SPIRE1: variants seen among roughly 807,000 people sequenced by gnomAD.
The protein encoded by SPIRE1 is spire type actin nucleation factor 1.
A neutral mutation model predicts 94.1 loss-of-function variants in SPIRE1; 40 were observed. That is an observed-to-expected ratio of 0.43 (90% confidence interval 0.33 to 0.55). The LOEUF is 0.55. Ranked by LOEUF, SPIRE1 falls within the 20% of genes least tolerant of loss-of-function variation. The probability of loss-of-function intolerance (pLI) is 0.06; values close to 1 mark genes in which losing one functional copy is unlikely to be tolerated. For missense variants in SPIRE1, 838 were observed against 975.2 expected, an observed-to-expected ratio of 0.86 and a Z score of 1.87; for synonymous variants, 376 against 371.7, an observed-to-expected ratio of 1.01 and a Z score of -0.13.
chr18:12,599,117 C>T (rs2036760943), intron 2 of SPIRE1, among the ~76,000 whole-genome samples: 2 of 152,066 alleles, frequency 1.3e-5, no homozygotes, highest in Admixed American at 1.3e-4. Flanking sequence ...TCTTAGATGA[C>T]CACAATATAA....
chr18:12,452,640 A>C, intron 14 of SPIRE1, 128 bp from the exon 15 acceptor site: 1 of 934,160 alleles, frequency 1.1e-6, no homozygotes, highest in Non-Finnish European at 1.7e-6. Context: ...CTTCTATTAG[A>C]ATGTAACAAA....
chr18:12,499,264 T>G (rs2033572489), intron 6 of SPIRE1, among the ~76,000 whole-genome samples: 1 of 146,744 alleles, frequency 6.8e-6, no homozygotes, highest in Non-Finnish European at 1.5e-5. Context: ...AGAGACCTAT[T>G]CTTTCTCTAT....
chr18:12,507,614 G>A (rs1341560894), intron 5 of SPIRE1, among the ~76,000 whole-genome samples: 1 of 151,880 alleles, frequency 6.6e-6, no homozygotes, highest in African/African-American at 2.4e-5. Flanking sequence ...TAGGAGGATT[G>A]CTTGAACCCG....
intron 2 of SPIRE1, among the ~76,000 whole-genome samples, chr18:12,625,489 A>G (rs1405470058): frequency 1.3e-5 from 2 of 152,210 alleles, no homozygotes; most frequent in Non-Finnish European, 2.9e-5. Context: ...ACAAACCCAT[A>G]AAGCGTAAGA....
At chr18:12,508,893 T>C (rs1033523642) in intron 5 of SPIRE1, among the ~76,000 whole-genome samples, 13 of 152,202 alleles carry the variant, frequency 8.5e-5, no homozygotes, top group Non-Finnish European at 1.9e-4. Context: ...CAGGCTGGTC[T>C]TGAACTCCTG....
intron 12 of SPIRE1, among the ~76,000 whole-genome samples, chr18:12,458,040 T>A (rs920548092): frequency 6.6e-6 from 1 of 151,058 alleles, no homozygotes; most frequent in Non-Finnish European, 1.5e-5. Flanking sequence ...GAGACGGGGT[T>A]TCACTGTGTT....
At chr18:12,660,321 T>A (rs1464331218), upstream of SPIRE1, among the ~76,000 whole-genome samples, 5 of 43,518 alleles carry the variant, frequency 1.1e-4, no homozygotes, top group East Asian at 1.7e-3. Flanking sequence ...AAAAGATGCA[T>A]TTTTTTTTTT....
At chr18:12,450,009 T>C (rs2031149994) in intron 16 of SPIRE1, 113 bp from the exon 17 acceptor site, 3 of 1,097,900 alleles carry the variant, frequency 2.7e-6, no homozygotes, top group Non-Finnish European at 3.8e-6. Context: ...ATGGAATGGA[T>C]GAGTGATTTA....
chr18:12,507,624 G>A (rs1282444843), intron 5 of SPIRE1, among the ~76,000 whole-genome samples: 3 of 151,860 alleles, frequency 2.0e-5, no homozygotes, highest in Non-Finnish European at 4.4e-5. Context: ...GCTTGAACCC[G>A]GGAGGTAGAG....
At chr18:12,555,620 C>T (rs1598466548) in intron 2 of SPIRE1, among the ~76,000 whole-genome samples, 1 of 152,236 alleles carries the variant, frequency 6.6e-6, no homozygotes, top group East Asian at 1.9e-4. Context: ...ACTTCAACAT[C>T]CCTTCATGAT....
At chr18:12,484,229 T>C (rs1418079520) in intron 9 of SPIRE1, among the ~76,000 whole-genome samples, 1 of 152,236 alleles carries the variant, frequency 6.6e-6, no homozygotes, top group Non-Finnish European at 1.5e-5. Context: ...AAGCATCTTT[T>C]GTAGATATTC....
At chr18:12,468,836 A>G (rs1485548279) in intron 10 of SPIRE1, among the ~76,000 whole-genome samples, 1 of 152,166 alleles carries the variant, frequency 6.6e-6, no homozygotes, top group African/African-American at 2.4e-5. Context: ...AGGCCAGAGG[A>G]TCGCTTAAGC....
intron 2 of SPIRE1, among the ~76,000 whole-genome samples, chr18:12,611,917 T>A (rs2037153461): frequency 6.6e-6 from 1 of 151,976 alleles, no homozygotes. Flanking sequence ...CAAGTGATCC[T>A]CCTGCCTCCG....
rs779112520 is a variant in SPIRE1 at position 12,452,317 on chromosome 18, T to C, written c.1950A>G (p.Glu650=). ...AGGGTTTTTCTGACCTCATACTACT[T>C]TCCCCTCTTTGCAGAGCAGAAGGTC... ...SLGPSALQRG[E]SSMRSEKPST... is the part of the protein sequence containing the mutation. Residue 650 remains glutamate (E), a synonymous_variant, in exon 16 of 17, where the codon GAA becomes GAG. Transcript: ENST00000409402. 4 of 1,614,072 alleles carry C rather than the reference T, an allele frequency of 2.5e-6. No individual in the cohort carries two copies. The South Asian group carries it at 4.4e-5, about 18-fold the overall frequency.
At chr18:12,569,340 CA>C (rs11344272) in intron 2 of SPIRE1, among the ~76,000 whole-genome samples, 64,256 of 114,202 alleles carry the variant, frequency 0.56, 14,926 homozygotes, top group South Asian at 0.68. Flanking sequence ...GACTCCGTCT[CA>C]AAAAAAAAAA....
intron 2 of SPIRE1, among the ~76,000 whole-genome samples, chr18:12,565,366 C>A (rs531324532): frequency 6.6e-6 from 1 of 152,182 alleles, no homozygotes; most frequent in South Asian, 2.1e-4. Context: ...GAAATAAAAA[C>A]TTTTCCTTTT....
intron 6 of SPIRE1, among the ~76,000 whole-genome samples, chr18:12,499,699 T>C (rs1250012808): frequency 6.6e-6 from 1 of 151,582 alleles, no homozygotes; most frequent in Admixed American, 6.6e-5. Context: ...AATTCCTAGA[T>C]ATGACACCAA....
At chr18:12,472,595 C>T (rs1026192549) in intron 10 of SPIRE1, among the ~76,000 whole-genome samples, 1 of 151,746 alleles carries the variant, frequency 6.6e-6, no homozygotes, top group African/African-American at 2.4e-5. Context: ...TCTTGAACTC[C>T]TGGGCTCAAG....
At chr18:12,620,661 G>A (rs1023108408) in intron 2 of SPIRE1, among the ~76,000 whole-genome samples, 6 of 151,972 alleles carry the variant, frequency 3.9e-5, no homozygotes, top group Non-Finnish European at 5.9e-5. Flanking sequence ...AACTGAAATC[G>A]ATCAAAGACC....
Sources: gnomAD v4.1 joint callset for allele counts (sites outside exome capture counted in the v4.1 genomes callset) on GRCh38, gnomAD v4.1.1 for gene constraint, MANE v1.5 for transcripts, NCBI Gene and HGNC (gene_info 2026-07-23, HGNC 2026-07-21) for gene names.